The following ZNF267 variants were observed in gnomAD, a reference collection of about 807,000 sequenced individuals.
ZNF267 encodes the protein zinc finger (C2H2).
A neutral mutation model predicts 71.6 loss-of-function variants in ZNF267; 61 were observed. The observed-to-expected ratio is 0.85, with a 90% confidence interval of 0.69 to 1.05. The LOEUF is 1.05. ZNF267 is among the 50% of genes least tolerant of loss of function. The pLI, the probability that ZNF267 is intolerant of heterozygous loss-of-function variation, is 0.00. For missense variants in ZNF267, 852 were observed against 870.0 expected (o/e 0.98, Z 0.26); for synonymous variants, 288 against 293.2 (o/e 0.98, Z 0.18).
At chr16:31,883,540 T>C (rs2083904328) in intron 1 of ZNF267, among the ~76,000 whole-genome samples, 1 of 152,216 alleles carries the variant, frequency 6.6e-6, no homozygotes, top group African/African-American at 2.4e-5. Flanking sequence ...TTGGCCGGTA[T>C]GTCCCTTTGA....
intron 1 of ZNF267, among the ~76,000 whole-genome samples, chr16:31,878,093 G>T (rs1043041390): frequency 7.9e-5 from 12 of 152,124 alleles, no homozygotes; most frequent in Non-Finnish European, 1.3e-4. Context: ...ACTCTGCGTG[G>T]TGTCAGAATT....
chr16:31,905,481 G>A (rs551510995), intron 3 of ZNF267, among the ~76,000 whole-genome samples: 16 of 152,136 alleles, frequency 1.1e-4, no homozygotes, highest in East Asian at 5.8e-4. Context: ...GGCTTTGTTC[G>A]TTTCTTTTTA....
At chr16:31,908,168 G>A (rs1021626839) in intron 3 of ZNF267, among the ~76,000 whole-genome samples, 1 of 152,204 alleles carries the variant, frequency 6.6e-6, no homozygotes, top group Non-Finnish European at 1.5e-5. Context: ...TGCAGTGAGC[G>A]GTGATTGTGC....
intron 3 of ZNF267, among the ~76,000 whole-genome samples, chr16:31,902,619 T>C (rs1244117200): frequency 6.6e-6 from 1 of 152,160 alleles, no homozygotes; most frequent in African/African-American, 2.4e-5. Flanking sequence ...ATAAAAATGC[T>C]TGTGATTTTT....
chr16:31,887,092 T>C (rs1267779281), intron 3 of ZNF267, among the ~76,000 whole-genome samples: 1 of 152,172 alleles, frequency 6.6e-6, no homozygotes, highest in Non-Finnish European at 1.5e-5. Context: ...TTGACAGCAG[T>C]TATACTAACA....
At chr16:31,889,488 A>G (rs1339477091) in intron 3 of ZNF267, among the ~76,000 whole-genome samples, 5 of 152,058 alleles carry the variant, frequency 3.3e-5, no homozygotes, top group Non-Finnish European at 5.9e-5. Flanking sequence ...TATCAAGACA[A>G]TTTTTTATTT....
At chr16:31,898,202 CTA>C (rs2084013779) in intron 3 of ZNF267, among the ~76,000 whole-genome samples, 1 of 151,920 alleles carries the variant, frequency 6.6e-6, no homozygotes, top group Non-Finnish European at 1.5e-5. Flanking sequence ...TCAGTGGACA[CTA>C]TTATTATTAT....
chr16:31,902,931 G>A (rs2084053778), intron 3 of ZNF267, among the ~76,000 whole-genome samples: 1 of 152,116 alleles, frequency 6.6e-6, no homozygotes, highest in African/African-American at 2.4e-5. Context: ...CTGTGGGTTT[G>A]TCATAGATAG....
At chr16:31,899,665 A>G (rs1270749346) in intron 3 of ZNF267, among the ~76,000 whole-genome samples, 4 of 152,148 alleles carry the variant, frequency 2.6e-5, no homozygotes, top group Non-Finnish European at 1.5e-5. Flanking sequence ...ACATAGTGAA[A>G]GGAAAATGTG....
intron 1 of ZNF267, among the ~76,000 whole-genome samples, chr16:31,883,294 C>T (rs1397822971): frequency 1.3e-5 from 2 of 151,874 alleles, no homozygotes; most frequent in East Asian, 3.9e-4. Context: ...AAAGGCATCA[C>T]AAAAAAGGCA....
At chr16:31,891,916 T>C (rs1023641087) in intron 3 of ZNF267, among the ~76,000 whole-genome samples, 2 of 151,982 alleles carry the variant, frequency 1.3e-5, no homozygotes, top group African/African-American at 4.8e-5. Context: ...CAGGCAGAGA[T>C]TAGAACAGTT....
At chr16:31,900,959 C>A (rs1284295580) in intron 3 of ZNF267, among the ~76,000 whole-genome samples, 1 of 151,962 alleles carries the variant, frequency 6.6e-6, no homozygotes, top group African/African-American at 2.4e-5. Context: ...TCTCCCCCCA[C>A]CCCACAACGG....
chr16:31,916,206 A>G lies in ZNF267; in HGVS notation c.1957A>G (p.Ser653Gly), dbSNP rs1275499541. The change falls in exon 4 of 4, where the codon AGT (serine) becomes GGT (glycine). Residue 653 changes from serine (S) to glycine (G), a missense_variant. By Grantham distance (56) the Ser-to-Gly change is moderately conservative. Transcript: ENST00000300870. ...YRSYLTTHQRSHTGERPYKCE... is the reference protein window; with the variant it reads ...YRSYLTTHQRGHTGERPYKCE... ...GTCATACCTCACTACACATCAGAGAAGTCATACTGGAGAGAGACCCTACAA... is the reference window on the plus strand; with the variant it reads ...GTCATACCTCACTACACATCAGAGAGGTCATACTGGAGAGAGACCCTACAA... 1.5e-5 allele frequency: 25 copies of G among 1,614,066 alleles called. No individual in the cohort carries two copies. Among genetic ancestry groups the G allele is most frequent in the Non-Finnish European group, 1.9e-5 (23 of 1,180,034 alleles).
intron 3 of ZNF267, among the ~76,000 whole-genome samples, chr16:31,905,605 C>A (rs371968306): frequency 6.6e-6 from 1 of 152,134 alleles, no homozygotes; most frequent in African/African-American, 2.4e-5. Context: ...GCATTCGTCA[C>A]GTAGTTCGTG....
intron 1 of ZNF267, among the ~76,000 whole-genome samples, chr16:31,882,578 G>C (rs970469226): frequency 6.6e-6 from 1 of 152,204 alleles, no homozygotes; most frequent in Admixed American, 6.5e-5. Flanking sequence ...ATTGAACCTT[G>C]AGAGGCAATG....
chr16:31,899,798 T>A (rs918811388), intron 3 of ZNF267, among the ~76,000 whole-genome samples: 1 of 152,180 alleles, frequency 6.6e-6, no homozygotes, highest in Non-Finnish European at 1.5e-5. Flanking sequence ...CCACTCAATA[T>A]TTTTATTTAA....
At chr16:31,892,688 G>T (rs747024440) in intron 3 of ZNF267, among the ~76,000 whole-genome samples, 2 of 152,244 alleles carry the variant, frequency 1.3e-5, no homozygotes, top group Non-Finnish European at 2.9e-5. Flanking sequence ...TAAGCCCCAT[G>T]CAAGTCCAAA....
chr16:31,912,598 C>A (rs1433171140), intron 3 of ZNF267: 1 of 151,654 alleles, frequency 6.6e-6, no homozygotes. Flanking sequence ...GGGAAGTTCT[C>A]TGATCGTATT....
intron 3 of ZNF267, chr16:31,894,710 G>A (rs2083984736): frequency 2.1e-6 from 1 of 476,622 alleles, no homozygotes; most frequent in Admixed American, 2.5e-5. Context: ...CTGGAGACAG[G>A]GCATTCCAAA....
Sources: allele counts gnomAD v4.1 joint callset (sites outside exome capture counted in the v4.1 genomes callset), GRCh38; gene constraint gnomAD v4.1.1; transcripts MANE v1.5; gene names NCBI Gene and HGNC (gene_info 2026-07-23, HGNC 2026-07-21).